DEUP1: variants seen among roughly 807,000 people sequenced by gnomAD.
DEUP1 encodes deuterosome assembly protein 1.
A neutral mutation model predicts 87.4 loss-of-function variants in DEUP1; 82 were observed. That is an observed-to-expected ratio of 0.94 (90% CI 0.78 to 1.13). The LOEUF (loss-of-function observed/expected upper bound fraction) is 1.13. DEUP1 is among the 50% of genes most tolerant of loss of function. The pLI, the probability that DEUP1 is intolerant of heterozygous loss-of-function variation, is 0.00. For missense variants in DEUP1, 663 were observed against 681.5 expected, an observed-to-expected ratio of 0.97 and a Z score of 0.30; for synonymous variants, 214 against 222.7, an observed-to-expected ratio of 0.96 and a Z score of 0.35.
At position 93,355,513 on chromosome 11, in the gene DEUP1, C is replaced by T; in HGVS notation, c.172C>T (p.Gln58Ter). 6.2e-7 allele frequency: 1 copy of T among 1,613,742 alleles called. No individual in the cohort carries two copies. The highest frequency in any genetic ancestry group is 8.5e-7 in the Non-Finnish European group (1 of 1,179,774). The stretch of plus-strand genomic sequence containing the variant: ...TCGGGATCAAGAATTGGCAAATGCA[C>T]AAACTTGTTTGGATCAGAAAGGTCA... ...DLRDQELANA[Q>*]TCLDQKGQEV... Residue 58 changes from glutamine to a stop codon, truncating the protein, a stop_gained, in exon 3 of 14, where the codon CAA becomes TAA. Coordinates refer to ENST00000298050, the MANE Select transcript of DEUP1 (RefSeq NM_181645.4). LOFTEE classifies it high-confidence loss of function.
intron 13 of DEUP1, among the ~76,000 whole-genome samples, chr11:93,416,521 A>G (rs1011219981): frequency 2.6e-5 from 4 of 152,008 alleles, no homozygotes; most frequent in African/African-American, 4.8e-5. Flanking sequence ...AGGATCTGAA[A>G]TTGTGGCAAT....
chr11:93,368,732 T>G (rs1945548453), intron 5 of DEUP1, among the ~76,000 whole-genome samples: 1 of 152,062 alleles, frequency 6.6e-6, no homozygotes, highest in Non-Finnish European at 1.5e-5. Flanking sequence ...GTCAGGAGTT[T>G]GAGACCAGCC....
Position 93,370,088 on chromosome 11 carries a change from T to C in DEUP1, c.448T>C (p.Ser150Pro). 6.3e-7 allele frequency: 1 copy of C among 1,598,074 alleles called. No homozygotes were observed. The highest frequency in any genetic ancestry group is 8.5e-7 in the Non-Finnish European group (1 of 1,169,614). Reference protein sequence around the residue: ...NQKLEEFRAKSREWDKQEILY... With the variant: ...NQKLEEFRAKPREWDKQEILY... ...TTTTTAAAAGGAATTTAGAGCAAAG[T>C]CAAGAGAATGGGACAAGCAAGAGAT... Residue 150 changes from serine to proline, a missense_variant, in exon 6 of 14, where the codon TCA becomes CCA. Coordinates refer to ENST00000298050, the MANE Select transcript of DEUP1 (RefSeq NM_181645.4).
intron 9 of DEUP1, among the ~76,000 whole-genome samples, chr11:93,393,010 C>G (rs1379710277): frequency 3.0e-4 from 40 of 131,888 alleles, no homozygotes; most frequent in Non-Finnish European, 2.3e-4. Flanking sequence ...TCTTTCTCCT[C>G]CTCCTCCTCT....
rs1294533200 is a variant in DEUP1, at chr11:93,369,999, GAAAGAAGCC to G, written c.433-73_433-65del. On this transcript the variant is annotated intron_variant, in intron 5 of 13. Transcript: ENST00000298050. ...TTTCTCAGAATGAAGATGTACAAATGAAAGAAGCCTTATTTGCTGTACTTTAAAATGAAT... is the reference window on the plus strand; with the variant it reads ...TTTCTCAGAATGAAGATGTACAAATGTTATTTGCTGTACTTTAAAATGAAT... 1.9e-4 allele frequency: 130 copies of G among 670,262 alleles called. 1 individual carries two copies. The highest frequency in any genetic ancestry group is 1.0e-3 in the Admixed American group (33 of 32,700). The allele number at this position is 670,262 out of a possible 1,614,324, so 41.5% of individuals were successfully genotyped here.
intron 9 of DEUP1, among the ~76,000 whole-genome samples, chr11:93,392,934 TTCC>T (rs1473928321): frequency 5.8e-5 from 5 of 86,856 alleles, no homozygotes; most frequent in Non-Finnish European, 1.4e-4. Flanking sequence ...CTCCCTCCTC[TTCC>T]TCCTCCTCCT....
intron 13 of DEUP1, among the ~76,000 whole-genome samples, chr11:93,434,330 T>A (rs1342154565): frequency 1.3e-5 from 2 of 152,234 alleles, no homozygotes; most frequent in South Asian, 2.1e-4. Context: ...CTTCTGTTGA[T>A]CCAGGTGGCT....
intron 13 of DEUP1, among the ~76,000 whole-genome samples, chr11:93,435,653 C>G (rs1331660618): frequency 1.3e-5 from 2 of 152,138 alleles, no homozygotes; most frequent in Non-Finnish European, 2.9e-5. Context: ...GTACCCTATC[C>G]TGAACCTCCT....
intron 6 of DEUP1, 97 bp downstream of exon 6, chr11:93,370,283 ACT>A: frequency 3.5e-6 from 2 of 574,456 alleles, no homozygotes; most frequent in Admixed American, 4.6e-5. Context: ...AGACATGCCA[ACT>A]AAGAAAAAAC....
chr11:93,380,023 T>G (rs1946225716), intron 7 of DEUP1, among the ~76,000 whole-genome samples: 1 of 152,204 alleles, frequency 6.6e-6, no homozygotes, highest in Non-Finnish European at 1.5e-5. Flanking sequence ...TGCAGTGATT[T>G]TTCCTTCCAC....
At chr11:93,434,014 A>T (rs1948171596) in intron 13 of DEUP1, among the ~76,000 whole-genome samples, 1 of 152,142 alleles carries the variant, frequency 6.6e-6, no homozygotes, top group Admixed American at 6.5e-5. Flanking sequence ...AGTTCCCCAA[A>T]GGAGCCAGCT....
intron 11 of DEUP1, among the ~76,000 whole-genome samples, chr11:93,401,585 A>C (rs1202052950): frequency 6.6e-6 from 1 of 152,140 alleles, no homozygotes; most frequent in Non-Finnish European, 1.5e-5. Flanking sequence ...TGGGACTGGC[A>C]TAAAAACAGA....
chr11:93,406,592 G>A (rs1410637783), intron 11 of DEUP1, among the ~76,000 whole-genome samples: 2 of 151,726 alleles, frequency 1.3e-5, no homozygotes, highest in Non-Finnish European at 2.9e-5. Flanking sequence ...GAAGTCACAA[G>A]GGAAAAAGAC....
At chr11:93,414,977 A>G in intron 12 of DEUP1, 23 bp from the exon 13 acceptor site, 1 of 1,345,376 alleles carries the variant, frequency 7.4e-7, no homozygotes, top group Non-Finnish European at 1.0e-6. Flanking sequence ...TAGCAACAAC[A>G]ACAACCATTT....
At chr11:93,432,097 A>C (rs1432346472) in intron 13 of DEUP1, among the ~76,000 whole-genome samples, 1 of 152,220 alleles carries the variant, frequency 6.6e-6, no homozygotes, top group African/African-American at 2.4e-5. Context: ...GGATGAAAAT[A>C]CTGAAGTATA....
At chr11:93,347,521 C>T (rs147609548) in intron 2 of DEUP1, among the ~76,000 whole-genome samples, 1,861 of 152,132 alleles carry the variant, frequency 0.012, 38 homozygotes, top group African/African-American at 0.043. Context: ...AGGATGATGC[C>T]GGCCTCATAG....
At chr11:93,402,399 C>T (rs777475859) in intron 11 of DEUP1, among the ~76,000 whole-genome samples, 2 of 152,008 alleles carry the variant, frequency 1.3e-5, no homozygotes, top group Non-Finnish European at 2.9e-5. Flanking sequence ...CCCTCATACA[C>T]TGTTGGTGGG....
At chr11:93,374,459 A>G (rs11020290) in intron 7 of DEUP1, among the ~76,000 whole-genome samples, 37,594 of 152,026 alleles carry the variant, frequency 0.25, 4,940 homozygotes, top group South Asian at 0.38. Context: ...TTTTGTATAA[A>G]GTGAGAGATA....
rs1235906228 is a variant in DEUP1, at chr11:93,438,413, T to C, written c.*694T>C. ...AGGAAATATAAAGCATTACTGTTGC[T>C]ACATTTTCCTTTGTAATCACTTCTG... is the stretch of plus-strand genomic sequence containing the variant. On this transcript the variant is annotated 3_prime_UTR_variant, in exon 14 of 14. Transcript: ENST00000298050. The C allele has an allele frequency of 6.6e-6, 1 of 152,200 alleles. No homozygotes were observed. The highest frequency in any genetic ancestry group is 2.1e-4 in the South Asian group (1 of 4,834). The allele number at this position is 152,200 out of a possible 1,614,324, so 9.4% of individuals were successfully genotyped here.
Sources: allele counts gnomAD v4.1 joint callset (sites outside exome capture counted in the v4.1 genomes callset), GRCh38; gene constraint gnomAD v4.1.1; transcripts MANE v1.5; gene names NCBI Gene and HGNC (gene_info 2026-07-23, HGNC 2026-07-21).